The following LRRC4C variants were observed in gnomAD, a reference collection of about 807,000 sequenced individuals.
LRRC4C encodes the protein leucine rich repeat containing 4C, also known as leucine-rich repeat-containing protein 4C.
In LRRC4C, 5 loss-of-function variants were observed where a neutral mutation model predicts 33.6. The ratio of observed to expected loss-of-function variants is 0.15; its 90% CI spans 0.08 to 0.31. The LOEUF is 0.31. LRRC4C is among the 10% of genes least tolerant of loss of function. The pLI, the probability that LRRC4C is intolerant of heterozygous loss-of-function variation, is 1.00. For synonymous variants in LRRC4C, 329 were observed against 302.0 expected (o/e 1.09, Z -0.93); for missense variants, 560 against 796.7 (o/e 0.70, Z 3.58).
chr11:41,268,589 CT>C (rs943413125), intron 1 of LRRC4C, among the ~76,000 whole-genome samples: 1 of 152,048 alleles, frequency 6.6e-6, no homozygotes, highest in Admixed American at 6.6e-5. Flanking sequence ...ATTCACAGCA[CT>C]TTTTTTGGAT....
intron 3 of LRRC4C, among the ~76,000 whole-genome samples, chr11:40,398,061 CA>C (rs1565349136): frequency 2.0e-5 from 3 of 151,754 alleles, no homozygotes; most frequent in African/African-American, 7.3e-5. Context: ...TTTGAACTTA[CA>C]AAAAGGTGGC....
At chr11:41,051,520 CAAAAAAAAAAAAAAAAAAAAAAA>C (rs530003573) in intron 1 of LRRC4C, among the ~76,000 whole-genome samples, 1 of 60,286 alleles carries the variant, frequency 1.7e-5, no homozygotes, top group Non-Finnish European at 2.8e-5. Flanking sequence ...GGTCTCAAGG[CAAAAAAAAAAAAAAAAAAAAAAA>C]AAAAAAAAAA....
intron 1 of LRRC4C, among the ~76,000 whole-genome samples, chr11:41,075,944 A>G (rs967991384): frequency 1.3e-5 from 2 of 148,310 alleles, no homozygotes; most frequent in African/African-American, 5.0e-5. Flanking sequence ...TGGCTTCAGG[A>G]ACACCACTTC....
At chr11:40,400,593 GC>G (rs1949721632) in intron 3 of LRRC4C, among the ~76,000 whole-genome samples, 1 of 152,016 alleles carries the variant, frequency 6.6e-6, no homozygotes, top group Non-Finnish European at 1.5e-5. Context: ...CCTCTAGCTA[GC>G]CCTCCATCTC....
chr11:40,913,499 C>T (rs894238439), intron 2 of LRRC4C, among the ~76,000 whole-genome samples: 30 of 151,966 alleles, frequency 2.0e-4, no homozygotes, highest in East Asian at 5.8e-4. Flanking sequence ...TTGAAACCAA[C>T]GAGAACAAAG....
chr11:41,248,237 C>T (rs1948517249), intron 1 of LRRC4C, among the ~76,000 whole-genome samples: 2 of 152,192 alleles, frequency 1.3e-5, no homozygotes, highest in Non-Finnish European at 2.9e-5. Flanking sequence ...ACTGTTCCTT[C>T]TCACTGCCTG....
chr11:40,364,343 A>G (rs1191036731), intron 3 of LRRC4C, among the ~76,000 whole-genome samples: 1 of 152,142 alleles, frequency 6.6e-6, no homozygotes, highest in Non-Finnish European at 1.5e-5. Context: ...CTTATCTTCA[A>G]GAAAGCCAAT....
At chr11:41,203,647 C>A (rs149616060) in intron 1 of LRRC4C, among the ~76,000 whole-genome samples, 2,170 of 152,244 alleles carry the variant, frequency 0.014, 50 homozygotes, top group African/African-American at 0.049. Context: ...CTTAGCTCTA[C>A]GAATTTGTGG....
At chr11:40,981,505 G>C (rs1852540232) in intron 1 of LRRC4C, among the ~76,000 whole-genome samples, 1 of 152,026 alleles carries the variant, frequency 6.6e-6, no homozygotes, top group African/African-American at 2.4e-5. Context: ...TACTACACTA[G>C]AGCCTCACTA....
At chr11:41,442,150 C>T (rs1379438304) in intron 1 of LRRC4C, among the ~76,000 whole-genome samples, 7 of 151,760 alleles carry the variant, frequency 4.6e-5, no homozygotes, top group Non-Finnish European at 1.0e-4. Flanking sequence ...CATTTTTTAC[C>T]TTTATAAATA....
At chr11:41,333,494 T>A (rs1018149813) in intron 1 of LRRC4C, among the ~76,000 whole-genome samples, 7 of 152,180 alleles carry the variant, frequency 4.6e-5, no homozygotes, top group African/African-American at 1.7e-4. Flanking sequence ...CATTCATTTA[T>A]GTAATTTATG....
intron 1 of LRRC4C, among the ~76,000 whole-genome samples, chr11:40,997,395 A>G (rs1056791846): frequency 1.2e-4 from 19 of 152,168 alleles, no homozygotes; most frequent in African/African-American, 4.6e-4. Flanking sequence ...GAGAGTAGCC[A>G]AAGATGTCAG....
chr11:41,091,390 T>C (rs2135547809), intron 1 of LRRC4C, among the ~76,000 whole-genome samples: 1 of 152,086 alleles, frequency 6.6e-6, no homozygotes, highest in Admixed American at 6.6e-5. Flanking sequence ...AGTAAACAAA[T>C]TGCTTATGGC....
intron 1 of LRRC4C, among the ~76,000 whole-genome samples, chr11:41,304,808 G>T (rs1480354691): frequency 2.0e-4 from 21 of 106,988 alleles, no homozygotes; most frequent in African/African-American, 2.8e-4. Flanking sequence ...GCCCCATCCG[G>T]GAGGGAGGTG....
intron 2 of LRRC4C, among the ~76,000 whole-genome samples, chr11:40,817,392 C>T (rs565316723): frequency 1.3e-5 from 2 of 152,208 alleles, no homozygotes; most frequent in East Asian, 3.9e-4. Context: ...TTTTCAGATC[C>T]TTTTAACTCA....
chr11:41,076,522 C>T (rs80215471), intron 1 of LRRC4C, among the ~76,000 whole-genome samples: 2,166 of 152,246 alleles, frequency 0.014, 53 homozygotes, highest in African/African-American at 0.05. Context: ...TTTCAAACAA[C>T]CAGATCTTGT....
At chr11:40,735,523 GTA>G (rs1357301588) in intron 2 of LRRC4C, among the ~76,000 whole-genome samples, 2 of 147,638 alleles carry the variant, frequency 1.4e-5, no homozygotes, top group Non-Finnish European at 3.0e-5. Context: ...ATTCCATGGT[GTA>G]TATGTGCCAC....
intron 1 of LRRC4C, among the ~76,000 whole-genome samples, chr11:41,130,301 A>G (rs1565410873): frequency 6.6e-6 from 1 of 151,962 alleles, no homozygotes; most frequent in Non-Finnish European, 1.5e-5. Context: ...CTGAGTGTCA[A>G]TAATGCAGTT....
intron 4 of LRRC4C, among the ~76,000 whole-genome samples, chr11:40,281,169 A>G (rs1413238516): frequency 2.0e-5 from 3 of 152,138 alleles, no homozygotes; most frequent in African/African-American, 4.8e-5. Context: ...AACAATACAG[A>G]GAAAGCCTTC....
Sources: gnomAD v4.1 joint callset for allele counts (sites outside exome capture counted in the v4.1 genomes callset) on GRCh38, gnomAD v4.1.1 for gene constraint, MANE v1.5 for transcripts, NCBI Gene and HGNC (gene_info 2026-07-23, HGNC 2026-07-21) for gene names.